Variants in TLN1 observed in about 807,000 individuals in gnomAD.
TLN1 encodes talin 1.
TLN1 carries 56 observed loss-of-function variants against 292.3 expected under a neutral mutation model. The ratio of observed to expected loss-of-function variants is 0.19; its 90% CI spans 0.15 to 0.24. The LOEUF is 0.24. TLN1 is among the 10% of genes least tolerant of loss of function. TLN1 has a pLI of 1.00. For missense variants in TLN1, 2,433 were observed against 3,248.2 expected (o/e 0.75, Z 6.10); for synonymous variants, 1,119 against 1,253.7 (o/e 0.89, Z 2.27).
chr9:35,703,743 C>T (rs1228571536), intron 47 of TLN1, 32 bp downstream of exon 47: 1 of 1,614,068 alleles, frequency 6.2e-7, no homozygotes, highest in African/African-American at 1.3e-5. Context: ...TAATCCAGTG[C>T]CCCTCCTGAT....
rs1167455479 is a variant in TLN1, at chr9:35,721,654, G to A, written c.1098C>T (p.Phe366=). The A allele has an allele frequency of 6.2e-7, 1 of 1,612,520 alleles. No homozygotes were observed. Among genetic ancestry groups the A allele is most frequent in the African/African-American group, 1.3e-5 (1 of 75,012 alleles). Residue 366 remains phenylalanine (F), a synonymous_variant, in exon 10 of 57, where the codon TTC becomes TTT. Coordinates refer to ENST00000314888, the MANE Select transcript of TLN1 (RefSeq NM_006289.4). The part of the protein sequence containing the change: ...IKRWAASPKS[F]TLDFGDYQDG... ...TTATAGTCCCCAGACTTACCAGGGTGAAGCTTTTGGGAGACGCAGCCCAGC... is the reference window on the plus strand; with the variant it reads ...TTATAGTCCCCAGACTTACCAGGGTAAAGCTTTTGGGAGACGCAGCCCAGC...
chr9:35,731,738 A>G (rs1826084011), intron 1 of TLN1, among the ~76,000 whole-genome samples: 1 of 152,134 alleles, frequency 6.6e-6, no homozygotes, highest in African/African-American at 2.4e-5. Flanking sequence ...CTTGATTCCT[A>G]AACGGACCCC....
chr9:35,706,816 G>C lies in TLN1; in HGVS notation c.5040C>G (p.Leu1680=). 6.2e-7 allele frequency: 1 copy of C among 1,614,004 alleles called. No homozygotes were observed. The highest frequency in any genetic ancestry group is 8.5e-7 in the Non-Finnish European group (1 of 1,180,016). ...SCLRDLDQAS[L]AAVSQQLAPR... ...GAGCAAGCTGCTGGCTGACTGCAGC[G>C]AGGGAAGCCTGGTCTAGGTCCCGTA... Residue 1680 remains leucine, a synonymous_variant, in exon 38 of 57, where the codon CTC becomes CTG. Coordinates refer to ENST00000314888, the MANE Select transcript of TLN1 (RefSeq NM_006289.4). The surrounding 1 kb of genome is among the most constrained non-coding windows in gnomAD (Gnocchi z 4.2).
chr9:35,725,111 A>C lies in TLN1; in HGVS notation c.228+113T>G. 7 of 1,532,850 alleles carry C rather than the reference A, an allele frequency of 4.6e-6. No homozygotes were observed. In the South Asian group the frequency reaches 8.2e-5, roughly 18 times the overall value. The allele number at this position is 1,532,850 out of a possible 1,614,324, so 95.0% of individuals were successfully genotyped here. On this transcript the variant is annotated intron_variant, in intron 3 of 56. Transcript: ENST00000314888. ...GAATTATGACTGTCTGTTAATAGGA[A>C]GAAAGCATGGGGAGGGCTAAGAGAC...
Position 35,723,969 on chromosome 9 carries a change from G to C in TLN1, c.765C>G (p.His255Gln). 1.2e-6 allele frequency: 2 copies of C among 1,614,140 alleles called. No individual in the cohort carries two copies. The highest frequency in any genetic ancestry group is 8.5e-7 in the Non-Finnish European group (1 of 1,179,998). ...TCACTCACTCAAGGAAGCCAGCCTT[G>C]TGCTTCTGCTCATTGTGGGGCCCAA... ...IQFGPHNEQKHKAGFLDLKDF... is the reference protein window; with the variant it reads ...IQFGPHNEQKQKAGFLDLKDF... The change falls in exon 7 of 57, where the codon CAC becomes CAG. Residue 255 changes from histidine to glutamine, a missense_variant. By Grantham distance (24) the His-to-Gln change is conservative. Coordinates refer to ENST00000314888, the MANE Select transcript of TLN1 (RefSeq NM_006289.4).
chr9:35,717,157 A>G lies in TLN1; in HGVS notation c.2447T>C (p.Met816Thr). 1.3e-6 allele frequency: 2 copies of G among 1,599,244 alleles called. No homozygotes were observed. The highest frequency in any genetic ancestry group is 1.7e-6 in the Non-Finnish European group (2 of 1,167,582). The change falls in exon 19 of 57, where the codon ATG (methionine) becomes ACG (threonine). Residue 816 changes from methionine (M) to threonine (T), a missense_variant. By Grantham distance (81) the Met-to-Thr change is moderately conservative. Transcript: ENST00000314888. This position sits in a 1 kb window ranked among gnomAD's most constrained non-coding sequence, Gnocchi z 4.7. ...LTVTENIFSS[M>T]GDAGEMVRQA... Reference sequence around the variant, plus strand: ...GGTGCGTGTCTTACCAGCATCACCCATGGAGCTAAAGATGTTCTCAGTGAC... The same window carrying G: ...GGTGCGTGTCTTACCAGCATCACCCGTGGAGCTAAAGATGTTCTCAGTGAC...
In TLN1 at chr9:35,704,163, A is replaced by G; in HGVS notation, c.6059T>C (p.Leu2020Pro). 1 of 1,596,864 alleles carries G rather than the reference A, an allele frequency of 6.3e-7. No individual in the cohort carries two copies. Among genetic ancestry groups the G allele is most frequent in the South Asian group, 1.1e-5 (1 of 88,986 alleles). Residue 2020 changes from leucine (L) to proline (P), a missense_variant, in exon 46 of 57, where the codon CTG (leucine) becomes CCG (proline). By Grantham distance (98) the Leu-to-Pro change is moderately conservative. Transcript: ENST00000314888. This position sits in a 1 kb window ranked among gnomAD's most constrained non-coding sequence, Gnocchi z 6.9. ...ETFADHREGI[L>P]KTAKVLVEDT... is the part of the protein sequence containing the mutation. ...CTCCACCAGCACCTTCGCAGTCTTC[A>G]GGATGCCCTCCCTGAGGGAGGGCCC...
chr9:35,721,921 G>C, intron 9 of TLN1, 118 bp from the exon 10 acceptor site: 1 of 1,368,116 alleles, frequency 7.3e-7, no homozygotes, highest in Non-Finnish European at 1.0e-6. Flanking sequence ...AACGGACAAG[G>C]GAAAATGCAG....
chr9:35,725,391 G>A, intron 2 of TLN1, 70 bp from the exon 3 acceptor site: 1 of 1,554,094 alleles, frequency 6.4e-7, no homozygotes. Flanking sequence ...GTACCATGTT[G>A]CCCCTGACTA....
chr9:35,727,889 A>G (rs1826005222), intron 1 of TLN1, among the ~76,000 whole-genome samples: 1 of 152,208 alleles, frequency 6.6e-6, no homozygotes, highest in Non-Finnish European at 1.5e-5. Context: ...CAGAGTGGAT[A>G]TTCACACAGC....
chr9:35,710,219 T>C (rs1825642588), intron 33 of TLN1, among the ~76,000 whole-genome samples: 1 of 109,128 alleles, frequency 9.2e-6, no homozygotes, highest in Non-Finnish European at 1.9e-5. Context: ...CGAAACGCTG[T>C]CTCAAAAAAA....
At chr9:35,729,399 C>T (rs1254239106) in intron 1 of TLN1, among the ~76,000 whole-genome samples, 1 of 151,982 alleles carries the variant, frequency 6.6e-6, no homozygotes, top group Non-Finnish European at 1.5e-5. Context: ...CACAGGGGTA[C>T]CTGCAAGGGA....
In TLN1 at chr9:35,707,302, T is replaced by C; in HGVS notation, c.4773+46A>G. 6.2e-7 allele frequency: 1 copy of C among 1,608,474 alleles called. No individual in the cohort carries two copies. ...GTAAGTCTCAGGAGTCCCTGGAAGA[T>C]GAGGTGATAAGCTGGCCCATCAGTT... is the stretch of plus-strand genomic sequence containing the variant. On this transcript the variant is annotated intron_variant, in intron 36 of 56. Transcript: ENST00000314888. The surrounding 1 kb of genome is among the most constrained non-coding windows in gnomAD (Gnocchi z 5.6).
intron 33 of TLN1, among the ~76,000 whole-genome samples, chr9:35,710,016 C>T (rs1169231251): frequency 3.4e-5 from 5 of 146,860 alleles, no homozygotes; most frequent in Admixed American, 6.9e-5. Flanking sequence ...TCGAGACCAT[C>T]CTGGCTAACA....
rs983347697 is a variant in TLN1 at position 35,697,471 on chromosome 9, G to T, written c.*320C>A. 1.4e-5 allele frequency: 5 copies of T among 364,734 alleles called. No individual in the cohort carries two copies. The highest frequency in any genetic ancestry group is 1.0e-4 in the African/African-American group (5 of 48,546). The allele number at this position is 364,734 out of a possible 1,614,324, so 22.6% of individuals were successfully genotyped here. ...AGAGCTGATGAGGCTGTGGGGACTGGCCGGAAGCTGCTGGCAGGGTGGAGT... is the reference window on the plus strand; with the variant it reads ...AGAGCTGATGAGGCTGTGGGGACTGTCCGGAAGCTGCTGGCAGGGTGGAGT... On this transcript the variant is annotated 3_prime_UTR_variant, in exon 57 of 57. Coordinates refer to ENST00000314888, the MANE Select transcript of TLN1 (RefSeq NM_006289.4).
rs768307016 is a variant in TLN1, at chr9:35,699,374, C to T, written c.6856G>A (p.Ala2286Thr). 8 of 1,613,354 alleles carry T rather than the reference C, an allele frequency of 5.0e-6. No homozygotes were observed. The South Asian group carries it at 8.8e-5, about 18-fold the overall frequency. ...CCCTCACCCTTCATGGCTTCAGCAG[C>T]CTGGATGAGCTCAGTGACGGAACCA... The part of the protein sequence containing the change: ...VAGSVTELIQ[A>T]AEAMKGTEWV... The change falls in exon 51 of 57, where the codon GCT becomes ACT. Residue 2286 changes from alanine to threonine, a missense_variant. Coordinates refer to ENST00000314888, the MANE Select transcript of TLN1 (RefSeq NM_006289.4). This position sits in a 1 kb window ranked among gnomAD's most constrained non-coding sequence, Gnocchi z 4.0.
chr9:35,704,340 A>G lies in TLN1; in HGVS notation c.6039T>C (p.Ala2013=), dbSNP rs762300757. 3.1e-6 allele frequency: 5 copies of G among 1,613,248 alleles called. No individual in the cohort carries two copies. The highest frequency in any genetic ancestry group is 4.2e-6 in the Non-Finnish European group (5 of 1,179,524). ...CCCAGTTCCTGTCTTACCGGTGGTC[A>G]GCGAAAGTTTCAGTACCCTCACGAT... ...TLNREGTETF[A]DHREGILKTA... The change falls in exon 45 of 57, where the codon GCT becomes GCC. Residue 2013 remains alanine (A), a synonymous_variant. Coordinates refer to ENST00000314888, the MANE Select transcript of TLN1 (RefSeq NM_006289.4). The surrounding 1 kb of genome is among the most constrained non-coding windows in gnomAD (Gnocchi z 6.9).
rs951015512 is a variant in TLN1, at chr9:35,714,705, A to AT, written c.2872-19dup. The AT allele has an allele frequency of 6.2e-7, 1 of 1,613,526 alleles. No individual in the cohort carries two copies. The highest frequency in any genetic ancestry group is 1.3e-5 in the African/African-American group (1 of 74,916). ...GCCACTGCCTGTAGGTGAAAATGTC[A>AT]TAAGAGACCCACAAGTCTCCCTCTT... On this transcript the variant is annotated intron_variant, in intron 22 of 56. Coordinates refer to ENST00000314888, the MANE Select transcript of TLN1 (RefSeq NM_006289.4). This position sits in a 1 kb window ranked among gnomAD's most constrained non-coding sequence, Gnocchi z 4.6.
rs1046474968 is a variant in TLN1 at position 35,719,176 on chromosome 9, C to T, written c.1794G>A (p.Leu598=). 1.2e-6 allele frequency: 2 copies of T among 1,614,226 alleles called. No individual in the cohort carries two copies. Residue 598 remains leucine, a synonymous_variant, in exon 16 of 57, where the codon CTG becomes CTA. Coordinates refer to ENST00000314888, the MANE Select transcript of TLN1 (RefSeq NM_006289.4). This position sits in a 1 kb window ranked among gnomAD's most constrained non-coding sequence, Gnocchi z 4.6. The stretch of plus-strand genomic sequence containing the variant: ...GCCGACCACTGCCGCCTTCGTCCTC[C>T]AGCAAGGCAGCCAGCAGCTTCACCC... The part of the protein sequence containing the change: ...SRGVKLLAAL[L]EDEGGSGRPL...
Sources: allele counts gnomAD v4.1 joint callset (sites outside exome capture counted in the v4.1 genomes callset), GRCh38; gene constraint gnomAD v4.1.1; non-coding constraint Gnocchi (gnomAD v3.1); transcripts MANE v1.5; gene names NCBI Gene and HGNC (gene_info 2026-07-23, HGNC 2026-07-21).